SAMD3: variants seen among roughly 807,000 people sequenced by gnomAD.
SAMD3 encodes the protein sterile alpha motif domain-containing protein 3.
Under a neutral mutation model 58.5 loss-of-function variants are expected in SAMD3, and 63 were observed. The ratio of observed to expected loss-of-function variants is 1.08; its 90% CI spans 0.88 to 1.33. The LOEUF (loss-of-function observed/expected upper bound fraction) is 1.33, where lower values mean the gene tolerates loss of function less well. SAMD3 is among the 40% of genes most tolerant of loss of function. The pLI is 0.00. For missense variants in SAMD3, 604 were observed against 608.4 expected, an observed-to-expected ratio of 0.99 and a Z score of 0.08; for synonymous variants, 220 against 210.3, an observed-to-expected ratio of 1.05 and a Z score of -0.40.
At chr6:130,238,581 C>T (rs1773246897) in intron 2 of SAMD3, among the ~76,000 whole-genome samples, 1 of 151,870 alleles carries the variant, frequency 6.6e-6, no homozygotes, top group African/African-American at 2.4e-5. Flanking sequence ...AATACTTGGT[C>T]TAGGAAATGC....
intron 5 of SAMD3, among the ~76,000 whole-genome samples, chr6:130,194,719 C>G (rs1417837005): frequency 6.6e-6 from 1 of 152,192 alleles, no homozygotes; most frequent in African/African-American, 2.4e-5. Flanking sequence ...TTGGACTGTT[C>G]AACTCACTTG....
intron 7 of SAMD3, among the ~76,000 whole-genome samples, chr6:130,182,287 G>A (rs1431043128): frequency 6.6e-6 from 1 of 151,924 alleles, no homozygotes; most frequent in East Asian, 1.9e-4. Flanking sequence ...AGGAAATTCA[G>A]TTTCTTCTGT....
intron 2 of SAMD3, among the ~76,000 whole-genome samples, chr6:130,311,790 C>A (rs1255488811): frequency 6.6e-6 from 1 of 152,124 alleles, no homozygotes; most frequent in Non-Finnish European, 1.5e-5. Flanking sequence ...CAAGTCCTGT[C>A]CTAGAGGACC....
In SAMD3 at chr6:130,146,048, TC is replaced by T. The variant is rs1191211977; in HGVS notation, c.1156del (p.Glu386LysfsTer3). ...VDNPINIVLQ[E>X]KMKHYTDEDM... ...TTCATCTGTGTAATGTTTCATTTTTTCTTGCAATACAATATTGATTGGATTG... is the reference window on the plus strand; with the variant it reads ...TTCATCTGTGTAATGTTTCATTTTTTTTGCAATACAATATTGATTGGATTG... On this transcript the variant is annotated frameshift_variant, in exon 10 of 12. Transcript: ENST00000439090. LOFTEE classifies it high-confidence loss of function. The T allele has an allele frequency of 1.3e-6, 2 of 1,574,478 alleles. No individual in the cohort carries two copies. Among genetic ancestry groups the T allele is most frequent in the Non-Finnish European group, 1.7e-6 (2 of 1,163,354 alleles).
chr6:130,227,297 A>C (rs887813923), upstream of SAMD3, among the ~76,000 whole-genome samples: 3 of 152,204 alleles, frequency 2.0e-5, no homozygotes, highest in African/African-American at 7.2e-5. Flanking sequence ...TTGTGTGAGA[A>C]TCGCCTTCAT....
At chr6:130,310,460 A>C (rs1776108938) in intron 2 of SAMD3, among the ~76,000 whole-genome samples, 1 of 152,248 alleles carries the variant, frequency 6.6e-6, no homozygotes, top group Admixed American at 6.5e-5. Context: ...TTGGTTAAAG[A>C]AAATATTTGA....
intron 2 of SAMD3, among the ~76,000 whole-genome samples, chr6:130,289,789 C>T (rs1415491717): frequency 6.6e-6 from 1 of 152,168 alleles, no homozygotes; most frequent in African/African-American, 2.4e-5. Context: ...TGTGAACCAC[C>T]GTGCCCAGCC....
chr6:130,253,624 ATG>A (rs534173118), intron 2 of SAMD3, among the ~76,000 whole-genome samples: 21 of 152,232 alleles, frequency 1.4e-4, no homozygotes, highest in Middle Eastern at 6.8e-3. Flanking sequence ...GATTTTAAAT[ATG>A]TGTTATATGT....
intron 2 of SAMD3, among the ~76,000 whole-genome samples, chr6:130,260,934 C>T (rs1774104088): frequency 6.6e-6 from 1 of 152,166 alleles, no homozygotes; most frequent in South Asian, 2.1e-4. Context: ...GTCTGATGAC[C>T]CACGGTGTAC....
At chr6:130,345,715 TA>T (rs1171350102) in intron 1 of SAMD3, among the ~76,000 whole-genome samples, 16 of 152,200 alleles carry the variant, frequency 1.1e-4, no homozygotes, top group Non-Finnish European at 1.9e-4. Flanking sequence ...CTAGGCCCCA[TA>T]ACACAGCAGG....
At chr6:130,319,991 C>T (rs1776531295) in intron 1 of SAMD3, among the ~76,000 whole-genome samples, 1 of 151,680 alleles carries the variant, frequency 6.6e-6, no homozygotes, top group South Asian at 2.1e-4. Flanking sequence ...AAAAAATAAA[C>T]ACACACACAC....
chr6:130,230,131 A>T (rs895305509), intron 2 of SAMD3, among the ~76,000 whole-genome samples: 1 of 152,248 alleles, frequency 6.6e-6, no homozygotes, highest in African/African-American at 2.4e-5. Flanking sequence ...TTATTTGCAT[A>T]GAGTGCCGTT....
chr6:130,365,817 C>T, upstream of SAMD3: 1 of 985,542 alleles, frequency 1.0e-6, no homozygotes, highest in Non-Finnish European at 1.2e-6. Context: ...GGCCTGGGCT[C>T]CTGCAGAGCA....
upstream of SAMD3, among the ~76,000 whole-genome samples, chr6:130,227,011 G>C (rs4897380): frequency 0.49 from 75,098 of 151,986 alleles, 22,532 homozygotes; most frequent in African/African-American, 0.85. Flanking sequence ...GGGTACAATT[G>C]AGTGACAATA....
At chr6:130,254,462 C>G (rs1773858568) in intron 2 of SAMD3, among the ~76,000 whole-genome samples, 1 of 151,964 alleles carries the variant, frequency 6.6e-6, no homozygotes, top group Non-Finnish European at 1.5e-5. Flanking sequence ...TCCTAAAGTG[C>G]TGGTATTACA....
At chr6:130,353,525 C>T (rs1777741610) in intron 1 of SAMD3, among the ~76,000 whole-genome samples, 1 of 152,208 alleles carries the variant, frequency 6.6e-6, no homozygotes, top group Non-Finnish European at 1.5e-5. Flanking sequence ...ATAACATGAT[C>T]TGCGATATCT....
At chr6:130,219,451 T>C (rs77309914) in intron 1 of SAMD3, among the ~76,000 whole-genome samples, 2,245 of 152,356 alleles carry the variant, frequency 0.015, 31 homozygotes, top group Non-Finnish European at 0.022. Flanking sequence ...CACACATTAC[T>C]GCACCCAATT....
intron 1 of SAMD3, among the ~76,000 whole-genome samples, chr6:130,357,556 C>T (rs1777872075): frequency 6.6e-6 from 1 of 152,174 alleles, no homozygotes; most frequent in South Asian, 2.1e-4. Flanking sequence ...CTGTTATAAC[C>T]ATTTCCCATT....
intron 5 of SAMD3, among the ~76,000 whole-genome samples, chr6:130,196,040 A>G (rs566768413): frequency 3.3e-5 from 5 of 152,038 alleles, no homozygotes; most frequent in African/African-American, 1.2e-4. Flanking sequence ...ACTCATCCCA[A>G]CCCTTTTCAT....
Sources: gnomAD v4.1 joint callset for allele counts (sites outside exome capture counted in the v4.1 genomes callset) on GRCh38, gnomAD v4.1.1 for gene constraint, MANE v1.5 for transcripts, NCBI Gene and HGNC (gene_info 2026-07-23, HGNC 2026-07-21) for gene names.